Variants in NFIA observed in about 807,000 individuals in gnomAD.
NFIA encodes the protein nuclear factor I A, also known as nuclear factor 1 A-type.
A neutral mutation model predicts 62.8 loss-of-function variants in NFIA; 8 were observed. That is an observed-to-expected ratio of 0.13 (90% CI 0.07 to 0.23). The LOEUF is 0.23. Among genes scored for constraint, NFIA ranks in the 10% least tolerant of loss-of-function variants. The pLI, the probability that NFIA is intolerant of heterozygous loss-of-function variation, is 1.00. For missense variants in NFIA, 410 were observed against 642.1 expected (o/e 0.64, Z 3.91); for synonymous variants, 235 against 238.1 (o/e 0.99, Z 0.12).
chr1:61,191,665 G>A (rs1278465542), intron 2 of NFIA, among the ~76,000 whole-genome samples: 1 of 152,146 alleles, frequency 6.6e-6, no homozygotes, highest in East Asian at 1.9e-4. Flanking sequence ...TCCCTTCTCA[G>A]CCTGGTGATG....
chr1:61,123,202 A>G (rs529000489), intron 2 of NFIA, among the ~76,000 whole-genome samples: 1 of 152,354 alleles, frequency 6.6e-6, no homozygotes, highest in East Asian at 1.9e-4. Flanking sequence ...TCAAATACAT[A>G]GGACAGAGCC....
intron 3 of NFIA, among the ~76,000 whole-genome samples, chr1:61,306,269 CTTTTTT>C (rs774297484): frequency 0.015 from 920 of 60,636 alleles, 22 homozygotes; most frequent in Middle Eastern, 0.14. Flanking sequence ...AGATTTTGTT[CTTTTTT>C]TTTTTTTTTT....
chr1:61,337,371 G>A (rs1210043474), intron 4 of NFIA, among the ~76,000 whole-genome samples: 2 of 151,780 alleles, frequency 1.3e-5, no homozygotes, highest in African/African-American at 4.8e-5. Context: ...AGAATGGAAA[G>A]TTCTGCTTCC....
At chr1:61,200,002 A>ATATATATG in intron 2 of NFIA, among the ~76,000 whole-genome samples, 1 of 74,758 alleles carries the variant, frequency 1.3e-5, no homozygotes. Flanking sequence ...CTCACAAAAT[A>ATATATATG]TATATATGTA....
chr1:61,135,898 G>C (rs1422203305), intron 2 of NFIA, among the ~76,000 whole-genome samples: 1 of 152,096 alleles, frequency 6.6e-6, no homozygotes, highest in African/African-American at 2.4e-5. Flanking sequence ...TTTTAAATCT[G>C]AAAGAATATA....
chr1:61,328,677 C>T (rs975198161), intron 3 of NFIA, among the ~76,000 whole-genome samples: 8 of 151,964 alleles, frequency 5.3e-5, no homozygotes, highest in Non-Finnish European at 1.0e-4. Flanking sequence ...CCTCGGCCTC[C>T]CAAAGTGCTG....
intron 2 of NFIA, among the ~76,000 whole-genome samples, chr1:61,216,689 G>T (rs1267408356): frequency 6.6e-6 from 1 of 152,180 alleles, no homozygotes; most frequent in Non-Finnish European, 1.5e-5. Context: ...TTAACTGTCT[G>T]TGTATGTATG....
At chr1:61,220,584 A>G (rs905978749) in intron 2 of NFIA, among the ~76,000 whole-genome samples, 1 of 152,224 alleles carries the variant, frequency 6.6e-6, no homozygotes, top group Non-Finnish European at 1.5e-5. Flanking sequence ...ATATGAATCC[A>G]TTTAATTATA....
chr1:61,203,524 T>C (rs1456703851), intron 2 of NFIA, among the ~76,000 whole-genome samples: 3 of 152,152 alleles, frequency 2.0e-5, no homozygotes, highest in African/African-American at 7.2e-5. Context: ...ACCCTGCTCA[T>C]CCTTCAGGCT....
chr1:61,198,811 C>T (rs144849911), intron 2 of NFIA, among the ~76,000 whole-genome samples: 1,830 of 152,240 alleles, frequency 0.012, 18 homozygotes, highest in Middle Eastern at 0.058. Flanking sequence ...GTCAGTGTGT[C>T]GCCATATGTC....
At chr1:61,106,584 T>G (rs1646605129) in intron 2 of NFIA, among the ~76,000 whole-genome samples, 1 of 151,890 alleles carries the variant, frequency 6.6e-6, no homozygotes, top group African/African-American at 2.4e-5. Flanking sequence ...TCTTTTAAAA[T>G]TTTTCAAATC....
intron 2 of NFIA, among the ~76,000 whole-genome samples, chr1:61,270,195 G>A (rs1022598501): frequency 1.3e-5 from 2 of 152,104 alleles, no homozygotes; most frequent in Admixed American, 1.3e-4. Flanking sequence ...ATTTTGGGGG[G>A]CCTTTATGAG....
Position 61,144,234 on chromosome 1 carries a change from G to A in NFIA, c.559+55554G>A, listed in dbSNP as rs1050892037. ...AGTGCAAATGTTGGTCCCCACCCCC[G>A]ACTTACTCAGTGAGAAGCTCTAGGG... On this transcript the variant is annotated intron_variant, in intron 2 of 10. Coordinates refer to ENST00000403491, the MANE Select transcript of NFIA (RefSeq NM_001134673.4). Among the ~76,000 whole-genome samples the A allele has an allele frequency of 9.9e-5, 15 of 152,148 alleles. No individual in the cohort carries two copies. The South Asian group carries it at 1.7e-3, about 17-fold the overall frequency.
intron 3 of NFIA, among the ~76,000 whole-genome samples, chr1:61,281,181 G>A (rs1658106796): frequency 6.6e-6 from 1 of 151,646 alleles, no homozygotes; most frequent in African/African-American, 2.4e-5. Context: ...AGATGTTGTA[G>A]TGAGCCAAGA....
chr1:61,229,605 G>A (rs1570418597), intron 2 of NFIA, among the ~76,000 whole-genome samples: 1 of 152,148 alleles, frequency 6.6e-6, no homozygotes, highest in East Asian at 1.9e-4. Context: ...GGTGCTATAA[G>A]AATCCCATCC....
chr1:61,341,692 C>A (rs951691511), intron 4 of NFIA, among the ~76,000 whole-genome samples: 1 of 152,138 alleles, frequency 6.6e-6, no homozygotes, highest in African/African-American at 2.4e-5. Flanking sequence ...TGCCCAGGCT[C>A]GTCTCGAACT....
chr1:61,318,778 C>T (rs1056886298), intron 3 of NFIA, among the ~76,000 whole-genome samples: 3 of 152,162 alleles, frequency 2.0e-5, no homozygotes, highest in African/African-American at 7.2e-5. Flanking sequence ...CCAGTTTCTT[C>T]TCCTTGTCCT....
At chr1:61,433,674 T>C (rs997694832) in intron 10 of NFIA, among the ~76,000 whole-genome samples, 2 of 152,292 alleles carry the variant, frequency 1.3e-5, no homozygotes, top group South Asian at 2.1e-4. Flanking sequence ...AACTAAACTC[T>C]TATTTTCTGG....
At chr1:61,398,112 G>A (rs984510883) in intron 7 of NFIA, among the ~76,000 whole-genome samples, 3 of 152,188 alleles carry the variant, frequency 2.0e-5, no homozygotes, top group African/African-American at 7.2e-5. Context: ...CCCTTTGCCT[G>A]TATTTGAAAA....
Sources: gnomAD v4.1 joint callset for allele counts (sites outside exome capture counted in the v4.1 genomes callset) on GRCh38, gnomAD v4.1.1 for gene constraint, MANE v1.5 for transcripts, NCBI Gene and HGNC (gene_info 2026-07-23, HGNC 2026-07-21) for gene names.